The following IFT88 variants were observed in gnomAD, a reference collection of about 807,000 sequenced individuals.
The protein encoded by IFT88 is intraflagellar transport protein 88 homolog.
In IFT88, 74 loss-of-function variants were observed where a neutral mutation model predicts 119.5. That is an observed-to-expected ratio of 0.62 (90% CI 0.51 to 0.75). IFT88 has a LOEUF of 0.75. IFT88 is among the 30% of genes least tolerant of loss of function. The pLI is 0.00. For missense variants in IFT88, 961 were observed against 977.7 expected (o/e 0.98, Z 0.23); for synonymous variants, 279 against 316.7 (o/e 0.88, Z 1.26).
chr13:20,691,313 T>C lies in IFT88; in HGVS notation c.*138T>C. ...AAGTAAGTGTATTCTATTCTGTATG[T>C]ATGCATTTAAGTTGTTTTTTTCTTT... On this transcript the variant is annotated 3_prime_UTR_variant, in exon 26 of 26. Transcript: ENST00000351808. 3 of 739,344 alleles carry C rather than the reference T, an allele frequency of 4.1e-6. No homozygotes were observed. The highest frequency in any genetic ancestry group is 6.2e-6 in the Non-Finnish European group (3 of 482,448). The allele number at this position is 739,344 out of a possible 1,614,324, so 45.8% of individuals were successfully genotyped here. A position where few individuals can be genotyped will look rare whatever the true frequency, so the allele number is the denominator to read the frequency against.
Position 20,656,385 on chromosome 13 carries a change from G to A in IFT88, c.2023G>A (p.Asp675Asn), listed in dbSNP as rs974478747. The change falls in exon 22 of 26, where the codon GAT (aspartate) becomes AAT (asparagine). Residue 675 changes from aspartate (D) to asparagine (N), a missense_variant. Transcript: ENST00000351808. ...TATAGGTAACTACCAAAAAGCATTA[G>A]ATACTTACAAAGATACTCACAGAAA... ...RRSGNYQKALDTYKDTHRKFP... is the reference protein window; with the variant it reads ...RRSGNYQKALNTYKDTHRKFP... 7.3e-6 allele frequency: 11 copies of A among 1,502,088 alleles called. No individual in the cohort carries two copies. The highest frequency in any genetic ancestry group is 1.8e-6 in the Non-Finnish European group (2 of 1,098,112). 93.0% of individuals were successfully genotyped at this position (1,502,088 alleles called of 1,614,324 possible).
At chr13:20,584,240 A>G (rs2039237158) in intron 3 of IFT88, among the ~76,000 whole-genome samples, 1 of 152,074 alleles carries the variant, frequency 6.6e-6, no homozygotes, top group Non-Finnish European at 1.5e-5. Flanking sequence ...TCTTAACAAT[A>G]TTAAGTCTTT....
chr13:20,667,263 G>C (rs1232429213), intron 23 of IFT88, among the ~76,000 whole-genome samples: 2 of 152,222 alleles, frequency 1.3e-5, no homozygotes, highest in Non-Finnish European at 2.9e-5. Flanking sequence ...ATTCTGAAAA[G>C]TGTGTCTCCT....
At chr13:20,652,852 A>G (rs1198715337) in intron 20 of IFT88, among the ~76,000 whole-genome samples, 1 of 152,188 alleles carries the variant, frequency 6.6e-6, no homozygotes, top group Non-Finnish European at 1.5e-5. Context: ...AGAGGTTGGA[A>G]TGCGCCTCTA....
chr13:20,612,146 T>C (rs2044671159), intron 13 of IFT88: 1 of 147,406 alleles, frequency 6.8e-6, no homozygotes, highest in Non-Finnish European at 1.5e-5. Flanking sequence ...AATAGTGTAG[T>C]GCAGAAATAT....
chr13:20,569,936 T>A (rs1393837322), intron 1 of IFT88, among the ~76,000 whole-genome samples: 1 of 151,574 alleles, frequency 6.6e-6, no homozygotes, highest in Non-Finnish European at 1.5e-5. Context: ...TCCCAGCTAC[T>A]CGAGAGGCTG....
At chr13:20,634,349 G>A (rs1265525565) in intron 16 of IFT88, among the ~76,000 whole-genome samples, 1 of 152,124 alleles carries the variant, frequency 6.6e-6, no homozygotes, top group Non-Finnish European at 1.5e-5. Flanking sequence ...CCAAGACTCT[G>A]AGTCTCATTC....
At chr13:20,640,061 A>G (rs2049640599) in intron 17 of IFT88, among the ~76,000 whole-genome samples, 1 of 151,884 alleles carries the variant, frequency 6.6e-6, no homozygotes. Flanking sequence ...AAGTGATGGG[A>G]TTACAGGCAT....
At chr13:20,595,348 G>T (rs1267181309) in intron 7 of IFT88, among the ~76,000 whole-genome samples, 1 of 151,978 alleles carries the variant, frequency 6.6e-6, no homozygotes, top group Non-Finnish European at 1.5e-5. Context: ...GAGTGCAGTG[G>T]CGCAATATCA....
intron 24 of IFT88, 46 bp downstream of exon 24, chr13:20,671,085 A>C (rs771979537): frequency 3.4e-6 from 5 of 1,450,656 alleles, no homozygotes; most frequent in Non-Finnish European, 4.8e-6. Context: ...CCACATTTCT[A>C]GTATGTGGGC....
At chr13:20,646,814 A>G (rs1279000047) in intron 20 of IFT88, among the ~76,000 whole-genome samples, 1 of 149,838 alleles carries the variant, frequency 6.7e-6, no homozygotes, top group Non-Finnish European at 1.5e-5. Flanking sequence ...AGATTGCTTA[A>G]TTGGTCACAT....
chr13:20,626,934 C>T (rs1444155963), intron 15 of IFT88, among the ~76,000 whole-genome samples: 1 of 152,186 alleles, frequency 6.6e-6, no homozygotes, highest in Non-Finnish European at 1.5e-5. Context: ...CACATCCTCT[C>T]CCAAGCCTAT....
At chr13:20,651,550 A>G (rs1181495398) in intron 20 of IFT88, among the ~76,000 whole-genome samples, 2 of 151,542 alleles carry the variant, frequency 1.3e-5, no homozygotes, top group Non-Finnish European at 2.9e-5. Flanking sequence ...ATCAACAATG[A>G]ATAAACAAAA....
chr13:20,651,424 ACACATGTT>A (rs2051656564), intron 20 of IFT88, among the ~76,000 whole-genome samples: 3 of 146,508 alleles, frequency 2.0e-5, no homozygotes, highest in Admixed American at 2.0e-4. Flanking sequence ...TCAGATACTT[ACACATGTT>A]TGTGTAAGTA....
intron 19 of IFT88, among the ~76,000 whole-genome samples, chr13:20,644,154 A>C (rs1234401505): frequency 6.6e-6 from 1 of 152,080 alleles, no homozygotes; most frequent in African/African-American, 2.4e-5. Flanking sequence ...ATTGCTTAAG[A>C]CCAAGAGATG....
chr13:20,653,821 CTG>C, intron 20 of IFT88, 53 bp from the exon 21 acceptor site: 3 of 962,936 alleles, frequency 3.1e-6, no homozygotes, highest in Non-Finnish European at 4.7e-6. Context: ...CTTTATAAAA[CTG>C]AGCATCACAG....
chr13:20,579,874 C>A (rs573649229), intron 2 of IFT88, among the ~76,000 whole-genome samples: 20 of 152,296 alleles, frequency 1.3e-4, no homozygotes, highest in Admixed American at 1.2e-3. Context: ...AGTGACGAAT[C>A]CTGCCATGGC....
At chr13:20,586,953 A>G (rs1414146827) in intron 3 of IFT88, among the ~76,000 whole-genome samples, 1 of 152,118 alleles carries the variant, frequency 6.6e-6, no homozygotes, top group Non-Finnish European at 1.5e-5. Context: ...TTAGTTCAAA[A>G]TATTTTCTAA....
At chr13:20,572,373 C>T (rs144301492) in intron 1 of IFT88, among the ~76,000 whole-genome samples, 7 of 152,132 alleles carry the variant, frequency 4.6e-5, no homozygotes, top group African/African-American at 1.4e-4. Context: ...TGTGCACCAC[C>T]ATGCCCGGCT....
Sources: gnomAD v4.1 joint callset for allele counts (sites outside exome capture counted in the v4.1 genomes callset) on GRCh38, gnomAD v4.1.1 for gene constraint, MANE v1.5 for transcripts, NCBI Gene and HGNC (gene_info 2026-07-23, HGNC 2026-07-21) for gene names.